Variants in ZNF362 observed in about 807,000 individuals in gnomAD.
ZNF362 encodes zinc finger protein 362.
ZNF362 carries 11 observed loss-of-function variants against 42.9 expected under a neutral mutation model. That is an observed-to-expected ratio of 0.26 (90% CI 0.16 to 0.42). ZNF362 has a LOEUF of 0.42. Ranked by LOEUF, ZNF362 falls within the 20% of genes least tolerant of loss-of-function variation. ZNF362 has a pLI of 1.00. For synonymous variants in ZNF362, 255 were observed against 257.3 expected (o/e 0.99, Z 0.09); for missense variants, 362 against 576.2 (o/e 0.63, Z 3.81).
chr1:33,178,287 T>C, the ZNF362 span, among the ~76,000 whole-genome samples: 1 of 152,174 alleles, frequency 6.6e-6, no homozygotes, highest in African/African-American at 2.4e-5. Context: ...TGAGGGTGGG[T>C]TCAGCCTTAT....
chr1:33,187,014 A>G, the ZNF362 span, among the ~76,000 whole-genome samples: 2 of 151,828 alleles, frequency 1.3e-5, no homozygotes, highest in Admixed American at 6.6e-5. Context: ...GCAGCCCCAT[A>G]AGGGTGCACT....
At position 33,299,334 on chromosome 1, in the gene ZNF362, G is replaced by GTT. The variant is rs35161004; in HGVS notation, c.*300_*301dup. The GTT allele has an allele frequency of 0.42, 64,973 of 153,062 alleles. 15,300 individuals are homozygous for GTT. The highest frequency in any genetic ancestry group is 0.64 in the African/African-American group (21,879 of 34,398). The allele number at this position is 153,062 out of a possible 1,614,324, so 9.5% of individuals were successfully genotyped here. A position where few individuals can be genotyped will look rare whatever the true frequency, so the allele number is the denominator to read the frequency against. On this transcript the variant is annotated 3_prime_UTR_variant, in exon 9 of 9. Coordinates refer to ENST00000539719, the MANE Select transcript of ZNF362 (RefSeq NM_152493.3). ...TTCCCCACCCTTCACTTGCTTCACT[G>GTT]TTTTTTTTTTTTTCGTTTTTTTTTT...
At chr1:33,284,488 G>A (rs779706827) in intron 6 of ZNF362, among the ~76,000 whole-genome samples, 1 of 152,172 alleles carries the variant, frequency 6.6e-6, no homozygotes, top group Non-Finnish European at 1.5e-5. Flanking sequence ...AGAGTTTTTA[G>A]CTATTATTCC....
At chr1:33,297,743 A>T (rs1220540629) in intron 8 of ZNF362, among the ~76,000 whole-genome samples, 1 of 152,104 alleles carries the variant, frequency 6.6e-6, no homozygotes, top group Non-Finnish European at 1.5e-5. Flanking sequence ...CGAATTCCTG[A>T]CCGCAGGTGA....
chr1:33,165,485 G>A, the ZNF362 span: 1 of 1,606,510 alleles, frequency 6.2e-7, no homozygotes, highest in Non-Finnish European at 8.5e-7. This position sits in a 1 kb window ranked among gnomAD's most constrained non-coding sequence, Gnocchi z 4.0. Context: ...GTCTCCGCCA[G>A]TTGTCGCTTG....
Position 33,299,090 on chromosome 1 carries a change from G to C in ZNF362, c.*44G>C. On this transcript the variant is annotated 3_prime_UTR_variant, in exon 9 of 9. Transcript: ENST00000539719. ...CCCACCCGGCCCACTGGCAGACACA[G>C]ACCCAGGCAGCACCAGGCCCCAGCT... 6.6e-7 allele frequency: 1 copy of C among 1,511,702 alleles called. No homozygotes were observed. The highest frequency in any genetic ancestry group is 2.3e-5 in the East Asian group (1 of 44,292). 93.6% of individuals were successfully genotyped at this position (1,511,702 alleles called of 1,614,324 possible).
At chr1:33,143,878 T>C in the ZNF362 span, among the ~76,000 whole-genome samples, 3 of 152,208 alleles carry the variant, frequency 2.0e-5, no homozygotes, top group Admixed American at 2.0e-4. Flanking sequence ...CCAGCATAAT[T>C]TCACAAGCCT....
chr1:33,150,999 CAGA>C, the ZNF362 span, among the ~76,000 whole-genome samples: 1 of 152,100 alleles, frequency 6.6e-6, no homozygotes, highest in African/African-American at 2.4e-5. Flanking sequence ...AGGCTCAGGG[CAGA>C]AGGACTGGTG....
the ZNF362 span, among the ~76,000 whole-genome samples, chr1:33,153,283 C>T: frequency 7.2e-5 from 11 of 152,332 alleles, 1 homozygote; most frequent in East Asian, 2.1e-3. Context: ...CCCAGCCAAC[C>T]AGGCTGCTGC....
the ZNF362 span, among the ~76,000 whole-genome samples, chr1:33,162,055 C>G: frequency 6.6e-6 from 1 of 152,154 alleles, no homozygotes; most frequent in South Asian, 2.1e-4. Context: ...CCTCTGGGGT[C>G]CCACAGGTCT....
chr1:33,197,875 A>G, the ZNF362 span, among the ~76,000 whole-genome samples: 27 of 152,214 alleles, frequency 1.8e-4, no homozygotes, highest in African/African-American at 6.3e-4. Flanking sequence ...CAGAGTTCAC[A>G]TATAGTCAGG....
the ZNF362 span, among the ~76,000 whole-genome samples, chr1:33,188,269 T>C: frequency 6.6e-6 from 1 of 151,910 alleles, no homozygotes; most frequent in Non-Finnish European, 1.5e-5. Flanking sequence ...TAAGGACAGG[T>C]TCTCAACCCT....
chr1:33,183,733 G>A, the ZNF362 span, among the ~76,000 whole-genome samples: 1 of 152,180 alleles, frequency 6.6e-6, no homozygotes, highest in Non-Finnish European at 1.5e-5. Flanking sequence ...CCTTTGCTGG[G>A]ATATGTTTGG....
the ZNF362 span, among the ~76,000 whole-genome samples, chr1:33,238,381 T>TAAAATAAAATAAAATAAATA: frequency 4.7e-5 from 5 of 105,530 alleles, no homozygotes; most frequent in South Asian, 3.1e-4. Context: ...TAAAATAAAA[T>TAAAATAAAATAAAATAAATA]AAATAAAATA....
chr1:33,299,101 C>A lies in ZNF362; in HGVS notation c.*55C>A. ...CACTGGCAGACACAGACCCAGGCAGCACCAGGCCCCAGCTCCCTCCGGGGG... is the reference window on the plus strand; with the variant it reads ...CACTGGCAGACACAGACCCAGGCAGAACCAGGCCCCAGCTCCCTCCGGGGG... On this transcript the variant is annotated 3_prime_UTR_variant, in exon 9 of 9. Transcript: ENST00000539719. The A allele has an allele frequency of 7.1e-7, 1 of 1,400,606 alleles. No homozygotes were observed. Among genetic ancestry groups the A allele is most frequent in the Non-Finnish European group, 1.0e-6 (1 of 1,000,510 alleles). 86.8% of individuals were successfully genotyped at this position (1,400,606 alleles called of 1,614,324 possible).
chr1:33,284,115 G>A (rs575015471), intron 6 of ZNF362, among the ~76,000 whole-genome samples: 2 of 152,324 alleles, frequency 1.3e-5, no homozygotes, highest in East Asian at 3.9e-4. Context: ...CGTGTAATGT[G>A]GCGGTTACCC....
chr1:33,227,300 T>G, the ZNF362 span, among the ~76,000 whole-genome samples: 1 of 152,198 alleles, frequency 6.6e-6, no homozygotes, highest in African/African-American at 2.4e-5. Flanking sequence ...AGTGGGCTTG[T>G]GTCAGCTTTG....
At chr1:33,147,410 C>G in the ZNF362 span, 2 of 1,614,156 alleles carry the variant, frequency 1.2e-6, no homozygotes, top group Non-Finnish European at 1.7e-6. The surrounding 1 kb of genome is among the most constrained non-coding windows in gnomAD (Gnocchi z 8.1). Context: ...TCCGTGCAGG[C>G]GCTGTACTGG....
intron 1 of ZNF362, among the ~76,000 whole-genome samples, chr1:33,258,438 G>A (rs1645808309): frequency 2.0e-5 from 3 of 152,200 alleles, no homozygotes; most frequent in Non-Finnish European, 4.4e-5. Flanking sequence ...GCCAGAGTCG[G>A]GGGTTGAAAG....
Sources: allele counts gnomAD v4.1 joint callset (sites outside exome capture counted in the v4.1 genomes callset), GRCh38; gene constraint gnomAD v4.1.1; non-coding constraint Gnocchi (gnomAD v3.1); transcripts MANE v1.5; gene names NCBI Gene and HGNC (gene_info 2026-07-23, HGNC 2026-07-21).